ZCWPW2: variants seen among roughly 807,000 people sequenced by gnomAD.
ZCWPW2 encodes zinc finger CW-type and PWWP domain containing 2, also known as zinc finger CW-type PWWP domain protein 2.
Under a neutral mutation model 46.6 loss-of-function variants are expected in ZCWPW2, and 45 were observed. The observed-to-expected ratio is 0.96, with a 90% CI of 0.76 to 1.24. The LOEUF is 1.24. ZCWPW2 is among the 50% of genes most tolerant of loss of function. The probability of loss-of-function intolerance (pLI) is 0.00; values close to 1 mark genes in which losing one functional copy is unlikely to be tolerated. For synonymous variants in ZCWPW2, 152 were observed against 137.1 expected (o/e 1.11, Z -0.76); for missense variants, 429 against 403.9 (o/e 1.06, Z -0.53).
intron 2 of ZCWPW2, among the ~76,000 whole-genome samples, chr3:28,402,619 G>A (rs946981628): frequency 2.6e-5 from 4 of 152,160 alleles, no homozygotes; most frequent in South Asian, 2.1e-4. Flanking sequence ...ACTACAGACC[G>A]ATATTCGTGA....
chr3:28,492,223 A>G, intron 6 of ZCWPW2, 50 bp downstream of exon 6: 1 of 1,456,472 alleles, frequency 6.9e-7, no homozygotes, highest in Non-Finnish European at 9.2e-7. Flanking sequence ...AATTTCATTT[A>G]ACACTATTCT....
In ZCWPW2 at chr3:28,483,425, C is replaced by G. The variant is rs376781648; in HGVS notation, c.610+4494C>G. Reference sequence around the variant, plus strand: ...GTCTTCAAGTTGGGTAGTGTCAGTTCTCCAGCATTGTTCTTCTCCTTCCAT... The same window carrying G: ...GTCTTCAAGTTGGGTAGTGTCAGTTGTCCAGCATTGTTCTTCTCCTTCCAT... On this transcript the variant is annotated intron_variant, in intron 5 of 9. Coordinates refer to ENST00000383768, the MANE Select transcript of ZCWPW2 (RefSeq NM_001040432.4). Among the ~76,000 whole-genome samples, 102 of 152,220 alleles carry G rather than the reference C, an allele frequency of 6.7e-4. 2 individuals are homozygous for G. The highest frequency in any genetic ancestry group is 2.3e-3 in the African/African-American group (95 of 41,540).
At chr3:28,381,728 G>A (rs1695114635) in intron 1 of ZCWPW2, among the ~76,000 whole-genome samples, 1 of 152,120 alleles carries the variant, frequency 6.6e-6, no homozygotes, top group Non-Finnish European at 1.5e-5. Flanking sequence ...CGAGGCTGCA[G>A]TGAGCTATGA....
Position 28,468,395 on chromosome 3 carries a change from T to G in ZCWPW2, c.493-10419T>G, listed in dbSNP as rs955077974. Among the ~76,000 whole-genome samples the G allele has an allele frequency of 2.6e-5, 4 of 152,074 alleles. No homozygotes were observed. In the South Asian group the frequency reaches 8.3e-4, roughly 31 times the overall value. On this transcript the variant is annotated intron_variant, in intron 4 of 9. Coordinates refer to ENST00000383768, the MANE Select transcript of ZCWPW2 (RefSeq NM_001040432.4). ...AAGAAAGAGATAGTGGTAGAAAATT[T>G]ATTTAAAGGGATAATAACAGAGAAT...
At chr3:28,505,484 C>T (rs1471051464) in intron 6 of ZCWPW2, among the ~76,000 whole-genome samples, 1 of 152,032 alleles carries the variant, frequency 6.6e-6, no homozygotes, top group Non-Finnish European at 1.5e-5. Flanking sequence ...CATTTTAATC[C>T]TCCCCTCTTT....
chr3:28,476,892 A>G (rs1023704775), intron 4 of ZCWPW2, among the ~76,000 whole-genome samples: 3 of 152,094 alleles, frequency 2.0e-5, no homozygotes, highest in African/African-American at 7.2e-5. Context: ...TCATGTTCCT[A>G]TGAGAGTCTA....
At chr3:28,369,659 G>A (rs534727808) in intron 1 of ZCWPW2, among the ~76,000 whole-genome samples, 4 of 152,288 alleles carry the variant, frequency 2.6e-5, no homozygotes, top group East Asian at 3.9e-4. Context: ...CTGCGTGCTG[G>A]GGGAACCACT....
chr3:28,441,407 G>A (rs1334835424), intron 4 of ZCWPW2, among the ~76,000 whole-genome samples: 1 of 152,138 alleles, frequency 6.6e-6, no homozygotes, highest in Non-Finnish European at 1.5e-5. Flanking sequence ...TCCATGCAAA[G>A]TGCACAACCA....
chr3:28,381,817 G>A (rs561624679), intron 1 of ZCWPW2, among the ~76,000 whole-genome samples: 1 of 152,136 alleles, frequency 6.6e-6, no homozygotes, highest in African/African-American at 2.4e-5. Context: ...TAAAGTGGCT[G>A]TATTAATTTG....
At chr3:28,411,294 T>G (rs963603779) in intron 2 of ZCWPW2, among the ~76,000 whole-genome samples, 9 of 151,936 alleles carry the variant, frequency 5.9e-5, no homozygotes, top group African/African-American at 2.2e-4. Context: ...TCTCAGTATA[T>G]GCAGAAAAGA....
rs188319523 is a variant in ZCWPW2, at chr3:28,363,874, C to G, written c.-134+14671C>G. ...CTGACTGATCCTACTCCTTCCTCATCTAGCCCTCTGTGGTGGTGGACATTC... is the reference window on the plus strand; with the variant it reads ...CTGACTGATCCTACTCCTTCCTCATGTAGCCCTCTGTGGTGGTGGACATTC... On this transcript the variant is annotated intron_variant, in intron 1 of 9. Transcript: ENST00000383768. Among the ~76,000 whole-genome samples the G allele has an allele frequency of 2.6e-3, 399 of 152,302 alleles. 2 individuals carry two copies. The highest frequency in any genetic ancestry group is 9.1e-3 in the African/African-American group (377 of 41,572).
At chr3:28,417,599 C>A (rs1250702594) in intron 3 of ZCWPW2, among the ~76,000 whole-genome samples, 4 of 148,176 alleles carry the variant, frequency 2.7e-5, no homozygotes, top group African/African-American at 7.5e-5. Context: ...TGATGAACAT[C>A]GATGCAGAAA....
At chr3:28,450,950 C>T (rs1183121502) in intron 4 of ZCWPW2, among the ~76,000 whole-genome samples, 1 of 152,178 alleles carries the variant, frequency 6.6e-6, no homozygotes, top group East Asian at 1.9e-4. Flanking sequence ...TAGACTTGCA[C>T]ATTTGACACC....
In ZCWPW2 at chr3:28,355,651, G is replaced by T. The variant is rs1176829358; in HGVS notation, c.-134+6448G>T. ...AGCATGGTACTGGTACCAAAACAGA[G>T]ATGTAGACCAATGGAACAGAACAGA... On this transcript the variant is annotated intron_variant, in intron 1 of 9. Coordinates refer to ENST00000383768, the MANE Select transcript of ZCWPW2 (RefSeq NM_001040432.4). Among the ~76,000 whole-genome samples, 6 of 152,316 alleles carry T rather than the reference G, an allele frequency of 3.9e-5. No individual in the cohort carries two copies. The East Asian group carries it at 1.2e-3, about 29-fold the overall frequency.
At chr3:28,421,417 T>C (rs973301635) in intron 3 of ZCWPW2, among the ~76,000 whole-genome samples, 1 of 152,192 alleles carries the variant, frequency 6.6e-6, no homozygotes, top group Non-Finnish European at 1.5e-5. Flanking sequence ...GGCTCACCAC[T>C]GGCCTTTGGT....
At position 28,436,931 on chromosome 3, in the gene ZCWPW2, T is replaced by C. The variant is rs142862316; in HGVS notation, c.492+1662T>C. Among the ~76,000 whole-genome samples the C allele has an allele frequency of 2.5e-3, 387 of 152,326 alleles. 1 individual carries two copies. Among genetic ancestry groups the C allele is most frequent in the African/African-American group, 8.4e-3 (351 of 41,568 alleles). ...CCTCAGGATAGCTGAGATTTCCTTT[T>C]CTTTGAAGATGGAGATTGTATTGAC... On this transcript the variant is annotated intron_variant, in intron 4 of 9. Coordinates refer to ENST00000383768, the MANE Select transcript of ZCWPW2 (RefSeq NM_001040432.4).
intron 5 of ZCWPW2, among the ~76,000 whole-genome samples, chr3:28,489,162 A>G (rs1263703567): frequency 2.0e-5 from 3 of 152,164 alleles, no homozygotes; most frequent in African/African-American, 7.2e-5. Flanking sequence ...TTGACAGGAA[A>G]CATAGCAAAC....
chr3:28,376,497 G>A (rs927018574), intron 1 of ZCWPW2, among the ~76,000 whole-genome samples: 4 of 152,002 alleles, frequency 2.6e-5, no homozygotes, highest in Admixed American at 6.6e-5. Context: ...ACTAGAGTTC[G>A]CGGTTTGTCT....
chr3:28,492,069 T>C, intron 5 of ZCWPW2, 58 bp from the exon 6 acceptor site: 1 of 1,507,442 alleles, frequency 6.6e-7, no homozygotes, highest in Non-Finnish European at 9.1e-7. Context: ...AATTCAGTAT[T>C]TATTTGAACA....
Sources: allele counts gnomAD v4.1 joint callset (sites outside exome capture counted in the v4.1 genomes callset), GRCh38; gene constraint gnomAD v4.1.1; transcripts MANE v1.5; gene names NCBI Gene and HGNC (gene_info 2026-07-23, HGNC 2026-07-21).